The following COL4A5 variants were observed in gnomAD, a reference collection of about 807,000 sequenced individuals.
The protein encoded by COL4A5 is collagen type IV alpha 5 chain, also known as collagen alpha-5(IV) chain.
A neutral mutation model predicts 130.2 loss-of-function variants in COL4A5; 26 were observed. The observed-to-expected ratio is 0.20, with a 90% confidence interval of 0.15 to 0.28. The LOEUF (loss-of-function observed/expected upper bound fraction) is 0.28. COL4A5 is among the 10% of genes least tolerant of loss of function. COL4A5 has a pLI of 1.00. For missense variants in COL4A5, 1,131 were observed against 1,344.3 expected, an observed-to-expected ratio of 0.84 and a Z score of 2.48; for synonymous variants, 496 against 439.6, an observed-to-expected ratio of 1.13 and a Z score of -1.60.
intron 2 of COL4A5, among the ~76,000 whole-genome samples, chrX:108,546,168 T>C (rs2065649733): frequency 8.9e-6 from 1 of 112,004 alleles, no homozygotes; most frequent in Non-Finnish European, 1.9e-5. Context: ...TAGCTGGTTA[T>C]TTTGCTCGTT....
At chrX:108,594,811 T>C (rs2066488256) in intron 21 of COL4A5, among the ~76,000 whole-genome samples, 1 of 110,530 alleles carries the variant, frequency 9.0e-6, no homozygotes, top group Non-Finnish European at 1.9e-5. Flanking sequence ...TATGTAGTTC[T>C]ATTTTTTCCT....
rs71946950 is a variant in COL4A5 at position 108,526,671 on chromosome X, CTCTTTCTTTCTTTCTTTCTTTCTTTCTT to C, written c.82-13046_82-13019del. Among the ~76,000 whole-genome samples, 16 of 41,876 alleles carry C rather than the reference CTCTTTCTTTCTTTCTTTCTTTCTTTCTT, an allele frequency of 3.8e-4. No individual in the cohort carries two copies. In the South Asian group the frequency reaches 6.4e-3, roughly 17 times the overall value. 36.4% of individuals were successfully genotyped at this position (41,876 alleles called of 115,157 possible). ...TTCTTTCTTTCTTTCTTCTTTCTTT[CTCTTTCTTTCTTTCTTTCTTTCTTTCTT>C]TCTTTCTTTCTTTCTTTCTTTCTTT... On this transcript the variant is annotated intron_variant, in intron 1 of 52. Coordinates refer to ENST00000328300, the MANE Select transcript of COL4A5 (RefSeq NM_033380.3).
At chrX:108,465,503 C>G (rs1165868493) in intron 1 of COL4A5, among the ~76,000 whole-genome samples, 1 of 111,650 alleles carries the variant, frequency 9.0e-6, no homozygotes, top group Non-Finnish European at 1.9e-5. Context: ...TATACACACA[C>G]GTATATTATA....
At chrX:108,576,650 G>A (rs1476174798) in intron 10 of COL4A5, among the ~76,000 whole-genome samples, 1 of 112,349 alleles carries the variant, frequency 8.9e-6, no homozygotes, top group Non-Finnish European at 1.9e-5. Flanking sequence ...TTCAGTAGAA[G>A]TAATTTCTCA....
chrX:108,601,764 C>G (rs1395061711), intron 26 of COL4A5, 121 bp from the exon 27 acceptor site: 43 of 514,650 alleles, frequency 8.4e-5, no homozygotes, highest in Middle Eastern at 1.1e-3. Flanking sequence ...CTCCTGACCT[C>G]AGGTGACCCA....
At chrX:108,653,147 T>C (rs766916761) in intron 36 of COL4A5, among the ~76,000 whole-genome samples, 1 of 111,798 alleles carries the variant, frequency 8.9e-6, no homozygotes, top group South Asian at 3.7e-4. Flanking sequence ...TTTCAGTGTT[T>C]TTTTCAGAAG....
At chrX:108,585,129 G>A (rs1217751515) in intron 18 of COL4A5, among the ~76,000 whole-genome samples, 1 of 111,733 alleles carries the variant, frequency 8.9e-6, no homozygotes, top group African/African-American at 3.2e-5. Flanking sequence ...TATACTTCCA[G>A]TCTTATTAGG....
intron 1 of COL4A5, among the ~76,000 whole-genome samples, chrX:108,474,467 C>A (rs940018860): frequency 4.5e-5 from 5 of 111,552 alleles, no homozygotes; most frequent in Non-Finnish European, 9.4e-5. Flanking sequence ...GTAGACTATA[C>A]CATTTAGGTT....
chrX:108,551,123 C>A lies in COL4A5; in HGVS notation c.142-7941C>A, dbSNP rs373047200. 3.6e-5 allele frequency among the ~76,000 whole-genome samples: 4 copies of A among 111,443 alleles called. No homozygotes were observed. The East Asian group carries it at 8.4e-4, about 23-fold the overall frequency. ...ACTAAGTTCCCAAAAGCAATTTCAA[C>A]AAAAACAAAAATTGACAAGTGTGAC... is the stretch of plus-strand genomic sequence containing the variant. On this transcript the variant is annotated intron_variant, in intron 2 of 52. Coordinates refer to ENST00000328300, the MANE Select transcript of COL4A5 (RefSeq NM_033380.3).
chrX:108,625,016 CCCTT>C (rs769147827), intron 34 of COL4A5, among the ~76,000 whole-genome samples: 1 of 111,549 alleles, frequency 9.0e-6, no homozygotes, highest in South Asian at 3.8e-4. Context: ...AAGAGAAACT[CCCTT>C]CCTATCTCTC....
intron 16 of COL4A5, chrX:108,582,678 T>C (rs1366630128): frequency 1.5e-5 from 6 of 402,921 alleles, no homozygotes; most frequent in Non-Finnish European, 2.5e-5. Flanking sequence ...AAGCTCTGAG[T>C]TCTCACCAAG....
Position 108,668,456 on chromosome X carries a change from G to A in COL4A5, c.3742G>A (p.Glu1248Lys). 1 of 1,206,994 alleles carries A rather than the reference G, an allele frequency of 8.3e-7. No homozygotes were observed. The highest frequency in any genetic ancestry group is 2.2e-5 in the Admixed American group (1 of 45,644). Residue 1248 changes from glutamate to lysine, a missense_variant, in exon 41 of 53, where the codon GAA (glutamate) becomes AAA (lysine). Glu to Lys is a moderately conservative substitution (Grantham distance 56). Transcript: ENST00000328300. ...GPPGSPGPAL[E>K]GPKGNPGPQG... ...TCCTGGTTCTCCGGGTCCAGCTCTG[G>A]AAGGACCTAAAGGCAACCCTGGGCC...
At chrX:108,692,703 C>T in intron 49 of COL4A5, 45 bp from the exon 50 acceptor site, 2 of 1,166,297 alleles carry the variant, frequency 1.7e-6, no homozygotes, top group Non-Finnish European at 2.3e-6. Flanking sequence ...ACCAAAGTAT[C>T]ATTATCACGC....
chrX:108,540,981 G>A (rs1205113096), intron 2 of COL4A5, among the ~76,000 whole-genome samples: 1 of 112,170 alleles, frequency 8.9e-6, no homozygotes, highest in African/African-American at 3.2e-5. Context: ...ATGAATGAGT[G>A]AATGCTGCTA....
At chrX:108,484,103 G>C (rs1441725014) in intron 1 of COL4A5, among the ~76,000 whole-genome samples, 1 of 111,706 alleles carries the variant, frequency 9.0e-6, no homozygotes, top group East Asian at 2.8e-4. Flanking sequence ...GTTTTTTGCT[G>C]TGCAGAAGCT....
intron 42 of COL4A5, among the ~76,000 whole-genome samples, chrX:108,671,039 G>GA (rs1029104697): frequency 3.4e-3 from 358 of 106,745 alleles, no homozygotes; most frequent in Non-Finnish European, 5.6e-3. Flanking sequence ...TAGGCACAGA[G>GA]AAAAAAAAAA....
chrX:108,526,671 C>CTTTCT (rs1210257594), intron 1 of COL4A5, among the ~76,000 whole-genome samples: 1 of 41,892 alleles, frequency 2.4e-5, no homozygotes, highest in Non-Finnish European at 4.1e-5. Flanking sequence ...TTCTTTCTTT[C>CTTTCT]TCTTTCTTTC....
intron 33 of COL4A5, 142 bp from the exon 34 acceptor site, chrX:108,624,094 G>T (rs1164847436): frequency 7.7e-6 from 4 of 520,767 alleles, no homozygotes; most frequent in African/African-American, 6.9e-5. Context: ...TGAGTCCAGT[G>T]CTAATAGCTC....
At chrX:108,664,265 A>G (rs1424072074) in intron 37 of COL4A5, among the ~76,000 whole-genome samples, 1 of 112,451 alleles carries the variant, frequency 8.9e-6, no homozygotes, top group African/African-American at 3.2e-5. Context: ...AAAAAAGACT[A>G]ATATACAATA....
Sources: gnomAD v4.1 joint callset for allele counts (sites outside exome capture counted in the v4.1 genomes callset) on GRCh38, gnomAD v4.1.1 for gene constraint, MANE v1.5 for transcripts, NCBI Gene and HGNC (gene_info 2026-07-23, HGNC 2026-07-21) for gene names.